CD109: variants seen among roughly 807,000 people sequenced by gnomAD.
CD109 encodes the protein CD109 molecule, also known as CD109 antigen.
In CD109, 149 loss-of-function variants were observed where a neutral mutation model predicts 165.8. That is an observed-to-expected ratio of 0.90 (90% CI 0.79 to 1.03). The LOEUF (loss-of-function observed/expected upper bound fraction) is 1.03. Ranked by LOEUF, CD109 falls within the 50% of genes least tolerant of loss-of-function variation. The probability of loss-of-function intolerance (pLI) is 0.00; values close to 1 mark genes in which losing one functional copy is unlikely to be tolerated. For synonymous variants in CD109, 585 were observed against 592.1 expected (o/e 0.99, Z 0.18); for missense variants, 1,712 against 1,677.8 (o/e 1.02, Z -0.36).
At position 73,807,219 on chromosome 6, in the gene CD109, T is replaced by A; in HGVS notation, c.3189+147T>A. 3 of 637,842 alleles carry A rather than the reference T, an allele frequency of 4.7e-6. No homozygotes were observed. The South Asian group carries it at 6.0e-5, about 13-fold the overall frequency. 39.5% of individuals were successfully genotyped at this position (637,842 alleles called of 1,614,324 possible). ...ATTTGAGTACTCTTTTGCTTTGCAT[T>A]TGTGGCCATGTTCCAAAATCTGAGA... On this transcript the variant is annotated intron_variant, in intron 25 of 32. Transcript: ENST00000287097.
intron 9 of CD109, among the ~76,000 whole-genome samples, chr6:73,763,093 T>A (rs1306033948): frequency 6.6e-6 from 1 of 152,214 alleles, no homozygotes; most frequent in Non-Finnish European, 1.5e-5. Context: ...CAACCACATG[T>A]GATAGCTCTT....
chr6:73,787,542 A>G, intron 21 of CD109, 90 bp downstream of exon 21: 1 of 953,412 alleles, frequency 1.0e-6, no homozygotes, highest in Non-Finnish European at 1.6e-6. Context: ...ATTTGTTGGC[A>G]TATCTAGTAG....
At chr6:73,739,721 G>A (rs965307006) in intron 5 of CD109, among the ~76,000 whole-genome samples, 4 of 152,078 alleles carry the variant, frequency 2.6e-5, no homozygotes, top group East Asian at 3.9e-4. Context: ...GGTGGCGGGC[G>A]CCTGTAGTCC....
At chr6:73,802,080 G>A (rs895242623) in intron 23 of CD109, among the ~76,000 whole-genome samples, 2 of 152,042 alleles carry the variant, frequency 1.3e-5, no homozygotes, top group Admixed American at 6.6e-5. Context: ...TGGACTTTGA[G>A]ATCTGTATGC....
the CD109 span, among the ~76,000 whole-genome samples, chr6:73,687,016 A>G: frequency 6.6e-6 from 1 of 152,236 alleles, no homozygotes; most frequent in Non-Finnish European, 1.5e-5. Flanking sequence ...CAAATGCTAA[A>G]TAAATTCATG....
intron 2 of CD109, among the ~76,000 whole-genome samples, chr6:73,710,339 A>T (rs912517993): frequency 1.3e-5 from 2 of 152,160 alleles, no homozygotes; most frequent in African/African-American, 4.8e-5. Flanking sequence ...ACTCCCATTC[A>T]CAATTGCTTC....
intron 15 of CD109, 29 bp downstream of exon 15, chr6:73,771,610 A>C (rs1332684987): frequency 6.8e-7 from 1 of 1,473,898 alleles, no homozygotes; most frequent in Non-Finnish European, 9.2e-7. Context: ...TCATTATGAA[A>C]ATATGTATTA....
rs1368209932 is a variant in CD109, at chr6:73,788,565, C to T, written c.2654C>T (p.Pro885Leu). The change falls in exon 22 of 33, where the codon CCT becomes CTT. Residue 885 changes from proline to leucine, a missense_variant. Coordinates refer to ENST00000287097, the MANE Select transcript of CD109 (RefSeq NM_133493.5). ...CTGAAAACTTTGAGTTTCTCATTTC[C>T]TCCTAATACAGTGACTGGCAGTGAA... is the stretch of plus-strand genomic sequence containing the variant. ...STLKTLSFSF[P>L]PNTVTGSERV... is the part of the protein sequence containing the mutation. 3.7e-6 allele frequency: 6 copies of T among 1,613,420 alleles called. No individual in the cohort carries two copies. Among genetic ancestry groups the T allele is most frequent in the Non-Finnish European group, 5.1e-6 (6 of 1,179,754 alleles).
At chr6:73,818,169 T>C (rs1776000767) in intron 30 of CD109, among the ~76,000 whole-genome samples, 1 of 152,252 alleles carries the variant, frequency 6.6e-6, no homozygotes, top group African/African-American at 2.4e-5. Flanking sequence ...GATGAACACA[T>C]TGTTGTATCA....
rs185767403 is a variant in CD109 at position 73,805,188 on chromosome 6, G to A, written c.2961-1656G>A. ...TGTTACCGTGTCTGTGTAGAAAGAAGTAGACATAGGAGACTCCATTTTGTT... is the reference window on the plus strand; with the variant it reads ...TGTTACCGTGTCTGTGTAGAAAGAAATAGACATAGGAGACTCCATTTTGTT... On this transcript the variant is annotated intron_variant, in intron 24 of 32. Coordinates refer to ENST00000287097, the MANE Select transcript of CD109 (RefSeq NM_133493.5). Among the ~76,000 whole-genome samples the A allele has an allele frequency of 7.0e-4, 106 of 152,340 alleles. No homozygotes were observed. The East Asian group carries it at 0.013, about 18-fold the overall frequency.
In CD109 at chr6:73,788,488, A is replaced by G. The variant is rs1774784577; in HGVS notation, c.2577A>G (p.Ser859=). 6.2e-7 allele frequency: 1 copy of G among 1,610,038 alleles called. No individual in the cohort carries two copies. The highest frequency in any genetic ancestry group is 1.3e-5 in the African/African-American group (1 of 74,718). The change falls in exon 22 of 33, where the codon TCA becomes TCG. Residue 859 remains serine, a synonymous_variant. Transcript: ENST00000287097. ...AACAGGCTGAAGGAATAGAAAAATCATATTCACAATCCATCTTATTAGACT... is the reference window on the plus strand; with the variant it reads ...AACAGGCTGAAGGAATAGAAAAATCGTATTCACAATCCATCTTATTAGACT... The part of the protein sequence containing the change: ...ILVKAEGIEK[S]YSQSILLDLT...
intron 7 of CD109, among the ~76,000 whole-genome samples, chr6:73,760,465 C>T (rs377378182): frequency 7.1e-6 from 1 of 141,000 alleles, no homozygotes; most frequent in Non-Finnish European, 1.5e-5. Context: ...TGTATTGCCT[C>T]TTCTTCACAT....
chr6:73,798,271 C>T (rs542545221), intron 23 of CD109, among the ~76,000 whole-genome samples: 13 of 152,160 alleles, frequency 8.5e-5, no homozygotes, highest in Admixed American at 6.5e-4. Context: ...TGTGCCACCA[C>T]ACCTGGCTAA....
intron 15 of CD109, among the ~76,000 whole-genome samples, chr6:73,779,253 C>CTTT (rs36008384): frequency 6.9e-6 from 1 of 144,068 alleles, no homozygotes; most frequent in Admixed American, 7.0e-5. Context: ...AGCTTCATTT[C>CTTT]TTTTTTTTTT....
In CD109 at chr6:73,727,167, T is replaced by C. The variant is rs145657756; in HGVS notation, c.277-3177T>C. Among the ~76,000 whole-genome samples the C allele has an allele frequency of 2.3e-3, 343 of 152,248 alleles. 1 individual carries two copies. The highest frequency in any genetic ancestry group is 3.7e-3 in the Non-Finnish European group (252 of 68,014). ...ACAGAGAGAGAAACTTTTATAAAAA[T>C]TGCTTAAAGTCAATAATCTTTTCTT... is the stretch of plus-strand genomic sequence containing the variant. On this transcript the variant is annotated intron_variant, in intron 3 of 32. Coordinates refer to ENST00000287097, the MANE Select transcript of CD109 (RefSeq NM_133493.5).
chr6:73,738,652 T>C (rs1772636231), intron 5 of CD109, among the ~76,000 whole-genome samples: 1 of 152,230 alleles, frequency 6.6e-6, no homozygotes, highest in Non-Finnish European at 1.5e-5. Flanking sequence ...AAACAAATGC[T>C]CTTAAGGAAA....
At chr6:73,683,614 A>T in the CD109 span, among the ~76,000 whole-genome samples, 1 of 151,966 alleles carries the variant, frequency 6.6e-6, no homozygotes, top group African/African-American at 2.4e-5. Context: ...AGCAGTGCCC[A>T]CTCTACTGGT....
intron 32 of CD109, among the ~76,000 whole-genome samples, chr6:73,821,825 A>G (rs1238331834): frequency 6.6e-6 from 1 of 152,206 alleles, no homozygotes; most frequent in Non-Finnish European, 1.5e-5. Flanking sequence ...TCAGCATCAC[A>G]TAATATACCC....
Position 73,785,411 on chromosome 6 carries a change from T to C in CD109, c.2271T>C (p.Ser757=), listed in dbSNP as rs777146315. The C allele has an allele frequency of 5.0e-6, 8 of 1,609,880 alleles. No homozygotes were observed. Among genetic ancestry groups the C allele is most frequent in the Non-Finnish European group, 6.8e-6 (8 of 1,178,034 alleles). ...TCATTTTTTTGAATCTTCCCTACTCTGTTATCAGAGGTGAAGAATTTGCTT... is the reference window on the plus strand; with the variant it reads ...TCATTTTTTTGAATCTTCCCTACTCCGTTATCAGAGGTGAAGAATTTGCTT... ...PFFIFLNLPY[S]VIRGEEFALE... Residue 757 remains serine (S), a synonymous_variant, in exon 20 of 33, where the codon TCT becomes TCC. Transcript: ENST00000287097.
Sources: gnomAD v4.1 joint callset for allele counts (sites outside exome capture counted in the v4.1 genomes callset) on GRCh38, gnomAD v4.1.1 for gene constraint, MANE v1.5 for transcripts, NCBI Gene and HGNC (gene_info 2026-07-23, HGNC 2026-07-21) for gene names.